The following PRSS36 variants were observed in gnomAD, a reference collection of about 807,000 sequenced individuals.
PRSS36 encodes serine protease 36.
In PRSS36, 90 loss-of-function variants were observed where a neutral mutation model predicts 94.3. That is an observed-to-expected ratio of 0.95 (90% confidence interval 0.80 to 1.14). PRSS36 has a LOEUF of 1.14. Among genes scored for constraint, PRSS36 ranks in the 50% most tolerant of loss-of-function variants. The pLI is 0.00. For synonymous variants in PRSS36, 500 were observed against 489.6 expected, an observed-to-expected ratio of 1.02 and a Z score of -0.28; for missense variants, 1,158 against 1,135.0, an observed-to-expected ratio of 1.02 and a Z score of -0.29.
Position 31,142,719 on chromosome 16 carries a change from C to G in PRSS36, c.1357+18G>C. ...CACCGCCCGGTGCCGCCCGGCCCAG[C>G]GCCGGTCCCCAGCTCACCCCCGCGG... On this transcript the variant is annotated intron_variant, in intron 9 of 14. Transcript: ENST00000268281. 7.4e-7 allele frequency: 1 copy of G among 1,357,896 alleles called. No homozygotes were observed. Among genetic ancestry groups the G allele is most frequent in the Admixed American group, 4.0e-5 (1 of 24,940 alleles). 84.1% of individuals were successfully genotyped at this position (1,357,896 alleles called of 1,614,324 possible).
At chr16:31,141,399 C>CAAACAAA (rs1207238274) in intron 12 of PRSS36, 70 bp downstream of exon 12, 6 of 882,102 alleles carry the variant, frequency 6.8e-6, no homozygotes, top group Non-Finnish European at 7.9e-6. Flanking sequence ...AAACAAATAA[C>CAAACAAA]AAAAACAAGT....
chr16:31,140,942 C>T (rs2057676597), intron 12 of PRSS36, among the ~76,000 whole-genome samples, 185 bp from the exon 13 acceptor site: 1 of 152,078 alleles, frequency 6.6e-6, no homozygotes, highest in South Asian at 2.1e-4. Context: ...ATGCCCCACC[C>T]CAGACAGAGT....
In PRSS36 at chr16:31,139,385, A is replaced by G; in HGVS notation, c.2321T>C (p.Met774Thr). The change falls in exon 15 of 15, where the codon ATG becomes ACG. Residue 774 changes from methionine to threonine, a missense_variant. Met to Thr is a moderately conservative substitution (Grantham distance 81). Coordinates refer to ENST00000268281, the MANE Select transcript of PRSS36 (RefSeq NM_173502.5). ...CACGAGGATCCAGGACCCTTCCGTC[A>G]TCTGGCACAGGAGGGGCGGTGCTGA... ...MTSAPPLLCQ[M>T]TEGSWILVGM... The G allele has an allele frequency of 1.2e-6, 2 of 1,614,068 alleles. No homozygotes were observed. Among genetic ancestry groups the G allele is most frequent in the Middle Eastern group, 1.7e-4 (1 of 6,056 alleles).
chr16:31,140,659 C>A lies in PRSS36; in HGVS notation c.2000G>T (p.Ser667Ile). 6.2e-7 allele frequency: 1 copy of A among 1,613,904 alleles called. No individual in the cohort carries two copies. Among genetic ancestry groups the A allele is most frequent in the Non-Finnish European group, 8.5e-7 (1 of 1,179,908 alleles). The change falls in exon 13 of 15, where the codon AGC becomes ATC. Residue 667 changes from serine (S) to isoleucine (I), a missense_variant. Transcript: ENST00000268281. ...QGHQVSRLVISIRLPQHLGLR... is the reference protein window; with the variant it reads ...QGHQVSRLVIIIRLPQHLGLR... ...TCCCAGGTGCTGGGGCAGCCGGATG[C>A]TGATGACCAAGCGGGATACCTGGTG...
intron 2 of PRSS36, 48 bp from the exon 3 acceptor site, chr16:31,149,546 C>G: frequency 6.2e-7 from 1 of 1,611,828 alleles, no homozygotes. Context: ...ACTTCCAGGC[C>G]TGCACCGCCC....
chr16:31,141,964 C>T lies in PRSS36; in HGVS notation c.1522-4G>A. On this transcript the variant is annotated splice_region_variant and splice_polypyrimidine_tract_variant and intron_variant, in intron 10 of 14. Coordinates refer to ENST00000268281, the MANE Select transcript of PRSS36 (RefSeq NM_173502.5). The stretch of plus-strand genomic sequence containing the variant: ...AAAGGCTCCAACGCGAGTCATTCTG[C>T]AGCAACAAAGTGTGTGTGTTACTTG... The T allele has an allele frequency of 3.1e-6, 5 of 1,613,556 alleles. No homozygotes were observed. The highest frequency in any genetic ancestry group is 4.2e-6 in the Non-Finnish European group (5 of 1,179,512).
At chr16:31,149,833 C>T in intron 1 of PRSS36, 102 bp from the exon 2 acceptor site, 1 of 1,567,590 alleles carries the variant, frequency 6.4e-7, no homozygotes, top group Non-Finnish European at 8.8e-7. Context: ...CTCCCCAGGG[C>T]ACCCAGGCCT....
At chr16:31,143,296 T>G in intron 8 of PRSS36, 46 bp downstream of exon 8, 1 of 1,545,248 alleles carries the variant, frequency 6.5e-7, no homozygotes, top group Non-Finnish European at 8.7e-7. Flanking sequence ...TATCTCAGGC[T>G]GTAGGGAGGG....
intron 6 of PRSS36, among the ~76,000 whole-genome samples, chr16:31,144,913 C>A (rs1008878945): frequency 6.6e-6 from 1 of 151,948 alleles, no homozygotes. Flanking sequence ...CATGGAGAAA[C>A]CCCATCTCTA....
chr16:31,149,695 C>A lies in PRSS36; in HGVS notation c.73+1G>T. ...ACTTTCCCCCAGTCCGGCTACCTTA[C>A]CTGAGTCCTGGAAGGCTCCTGGGAT... On this transcript the variant is annotated splice_donor_variant, in intron 2 of 14. Coordinates refer to ENST00000268281, the MANE Select transcript of PRSS36 (RefSeq NM_173502.5). LOFTEE classifies it high-confidence loss of function. 6.2e-7 allele frequency: 1 copy of A among 1,614,196 alleles called. No homozygotes were observed. Among genetic ancestry groups the A allele is most frequent in the Non-Finnish European group, 8.5e-7 (1 of 1,180,034 alleles).
In PRSS36 at chr16:31,149,104, A is replaced by G. The variant is rs956240299; in HGVS notation, c.241T>C (p.Trp81Arg). 2 of 1,591,966 alleles carry G rather than the reference A, an allele frequency of 1.3e-6. No individual in the cohort carries two copies. Among genetic ancestry groups the G allele is most frequent in the Non-Finnish European group, 1.7e-6 (2 of 1,171,116 alleles). The change falls in exon 4 of 15, where the codon TGG becomes CGG. Residue 81 changes from tryptophan (W) to arginine (R), a missense_variant. Trp to Arg is a moderately radical substitution (Grantham distance 101). Coordinates refer to ENST00000268281, the MANE Select transcript of PRSS36 (RefSeq NM_173502.5). ...ICGGSLIAPS[W>R]VLSAAHCFMT... The stretch of plus-strand genomic sequence containing the variant: ...AAACAGTGAGCAGCGGAGAGGACCC[A>G]GGAGGGGGCGATGAGGGAGCCCCCG...
chr16:31,142,374 C>T, intron 10 of PRSS36, 107 bp downstream of exon 10: 1 of 1,273,006 alleles, frequency 7.9e-7, no homozygotes, highest in Non-Finnish European at 1.0e-6. Flanking sequence ...CTTCCGCAGG[C>T]CCCGCCCTCT....
intron 10 of PRSS36, 112 bp downstream of exon 10, chr16:31,142,369 G>T: frequency 8.4e-7 from 1 of 1,192,594 alleles, no homozygotes; most frequent in Non-Finnish European, 1.1e-6. Flanking sequence ...CCCGCCTTCC[G>T]CAGGCCCCGC....
rs8053474 is a variant in PRSS36 at position 31,141,632 on chromosome 16, C to T, written c.1760-22G>A. The T allele has an allele frequency of 1.1e-3, 1,774 of 1,611,862 alleles. 25 individuals are homozygous for T. The African/African-American group carries it at 0.022, about 20-fold the overall frequency. ...CAGGCTAGGGAGAGGAGGTGGCCAC[C>T]TCAGTTGGGGCCCCATGGCTGACCC... On this transcript the variant is annotated intron_variant, in intron 11 of 14. Coordinates refer to ENST00000268281, the MANE Select transcript of PRSS36 (RefSeq NM_173502.5).
chr16:31,145,099 G>A (rs2057776400), intron 6 of PRSS36, among the ~76,000 whole-genome samples: 1 of 151,642 alleles, frequency 6.6e-6, no homozygotes. Context: ...GCCGGGCGCG[G>A]TGGCTCACTC....
chr16:31,142,501 C>T lies in PRSS36; in HGVS notation c.1501G>A (p.Glu501Lys), dbSNP rs1596845997. 1 of 1,493,866 alleles carries T rather than the reference C, an allele frequency of 6.7e-7. No homozygotes were observed. Among genetic ancestry groups the T allele is most frequent in the Non-Finnish European group, 8.9e-7 (1 of 1,124,158 alleles). 92.5% of individuals were successfully genotyped at this position (1,493,866 alleles called of 1,614,324 possible). Residue 501 changes from glutamate to lysine, a missense_variant, in exon 10 of 15, where the codon GAG (glutamate) becomes AAG (lysine). Coordinates refer to ENST00000268281, the MANE Select transcript of PRSS36 (RefSeq NM_173502.5). ...CTTACCCAGCAGCTGCCCACCTCCTCCTTTTCCTGGTAGGCAGGGCAGAGC... is the reference window on the plus strand; with the variant it reads ...CTTACCCAGCAGCTGCCCACCTCCTTCTTTTCCTGGTAGGCAGGGCAGAGC... ...HALCPAYQEKEEVGSCWNDSR... is the reference protein window; with the variant it reads ...HALCPAYQEKKEVGSCWNDSR...
rs1445455960 is a variant in PRSS36 at position 31,143,929 on chromosome 16, C to T, written c.721-92G>A. The T allele has an allele frequency of 1.4e-5, 21 of 1,496,344 alleles. No homozygotes were observed. In the Admixed American group the frequency reaches 3.7e-4, roughly 26 times the overall value. 92.7% of individuals were successfully genotyped at this position (1,496,344 alleles called of 1,614,324 possible). A position where few individuals can be genotyped will look rare whatever the true frequency, so the allele number is the denominator to read the frequency against. On this transcript the variant is annotated intron_variant, in intron 6 of 14. Coordinates refer to ENST00000268281, the MANE Select transcript of PRSS36 (RefSeq NM_173502.5). ...CTTTTGGCCCAACATACACCACCTT[C>T]TCCCTTCTCCTAGAAACCCTCCTTG... is the stretch of plus-strand genomic sequence containing the variant.
Position 31,138,964 on chromosome 16 carries a change from C to G in PRSS36, c.*174G>C, listed in dbSNP as rs1255356400. 4.5e-6 allele frequency: 3 copies of G among 666,350 alleles called. No individual in the cohort carries two copies. The African/African-American group carries it at 5.5e-5, about 12-fold the overall frequency. The allele number at this position is 666,350 out of a possible 1,614,324, so 41.3% of individuals were successfully genotyped here. A position where few individuals can be genotyped will look rare whatever the true frequency, so the allele number is the denominator to read the frequency against. ...TTTATTGTCCGCTCCTCCCACCACC[C>G]CCAAGGATTCCTGGGTTCAAAATAG... On this transcript the variant is annotated 3_prime_UTR_variant, in exon 15 of 15. Transcript: ENST00000268281.
At chr16:31,145,246 A>G (rs2057779120) in intron 6 of PRSS36, among the ~76,000 whole-genome samples, 1 of 144,154 alleles carries the variant, frequency 6.9e-6, no homozygotes, top group Non-Finnish European at 1.5e-5. Context: ...CGTGGCGGGC[A>G]TCTGTGGTCC....
Sources: allele counts gnomAD v4.1 joint callset (sites outside exome capture counted in the v4.1 genomes callset), GRCh38; gene constraint gnomAD v4.1.1; transcripts MANE v1.5; gene names NCBI Gene and HGNC (gene_info 2026-07-23, HGNC 2026-07-21).